Variants in RORB observed in about 807,000 individuals in gnomAD.
RORB encodes RAR related orphan receptor B.
Under a neutral mutation model 59.1 loss-of-function variants are expected in RORB, and 6 were observed. That is an observed-to-expected ratio of 0.10 (90% CI 0.06 to 0.20). The LOEUF (loss-of-function observed/expected upper bound fraction) is 0.20, where lower values mean the gene tolerates loss of function less well. Ranked by LOEUF, RORB falls within the 10% of genes least tolerant of loss-of-function variation. The pLI is 1.00. For synonymous variants in RORB, 215 were observed against 204.5 expected (o/e 1.05, Z -0.44); for missense variants, 320 against 560.5 (o/e 0.57, Z 4.33).
chr9:74,512,851 C>G (rs1175802255), intron 1 of RORB, among the ~76,000 whole-genome samples: 4 of 152,160 alleles, frequency 2.6e-5, no homozygotes, highest in Non-Finnish European at 5.9e-5. Flanking sequence ...ATTGAACTCT[C>G]TCACTCATTT....
At chr9:74,652,460 A>G (rs544870060) in intron 4 of RORB, among the ~76,000 whole-genome samples, 57 of 152,326 alleles carry the variant, frequency 3.7e-4, no homozygotes, top group African/African-American at 1.3e-3. Flanking sequence ...AGAAAATGTT[A>G]ATCACTTTAT....
intron 1 of RORB, among the ~76,000 whole-genome samples, chr9:74,594,366 T>C (rs1822942671): frequency 6.6e-6 from 1 of 152,112 alleles, no homozygotes; most frequent in Non-Finnish European, 1.5e-5. Flanking sequence ...TCCTCGATGG[T>C]TATTTCAATC....
chr9:74,680,175 A>G (rs906048359), intron 9 of RORB, among the ~76,000 whole-genome samples: 1 of 152,218 alleles, frequency 6.6e-6, no homozygotes, highest in Admixed American at 6.5e-5. Flanking sequence ...AAGCAAAAGT[A>G]TAAAAAATAA....
chr9:74,498,327 T>G, intron 1 of RORB: 2 of 335,866 alleles, frequency 6.0e-6, no homozygotes, highest in Non-Finnish European at 1.1e-5. Flanking sequence ...GAAAGAGGGA[T>G]GCCTCTGGAC....
At chr9:74,589,163 T>C (rs781200550) in intron 1 of RORB, among the ~76,000 whole-genome samples, 2 of 152,214 alleles carry the variant, frequency 1.3e-5, no homozygotes, top group African/African-American at 2.4e-5. Context: ...GAATCATTTG[T>C]CCACAGTCAG....
rs113786731 is a variant in RORB, at chr9:74,584,007, T to C, written c.8-46275T>C. ...CAAAAATGCAACTTTTTCTGTGAGATAACATTTCAGAGGACTTAGCTTGTG... is the reference window on the plus strand; with the variant it reads ...CAAAAATGCAACTTTTTCTGTGAGACAACATTTCAGAGGACTTAGCTTGTG... On this transcript the variant is annotated intron_variant, in intron 1 of 9. Coordinates refer to ENST00000376896, the MANE Select transcript of RORB (RefSeq NM_006914.4). Among the ~76,000 whole-genome samples the C allele has an allele frequency of 1.9e-3, 288 of 152,340 alleles. 2 individuals are homozygous for C. Among genetic ancestry groups the C allele is most frequent in the African/African-American group, 6.7e-3 (277 of 41,584 alleles).
chr9:74,628,649 G>A (rs768707006), intron 1 of RORB, among the ~76,000 whole-genome samples: 4 of 152,182 alleles, frequency 2.6e-5, no homozygotes, highest in Non-Finnish European at 5.9e-5. Context: ...AGAGGGCAAT[G>A]TCTTGCATTT....
chr9:74,640,485 A>C (rs545673915), intron 3 of RORB, among the ~76,000 whole-genome samples: 2 of 151,998 alleles, frequency 1.3e-5, no homozygotes, highest in Admixed American at 1.3e-4. Context: ...GGGTTTCACC[A>C]CGTTAGCCAG....
chr9:74,630,395 T>G, intron 2 of RORB, 28 bp downstream of exon 2: 1 of 1,566,992 alleles, frequency 6.4e-7, no homozygotes, highest in Non-Finnish European at 8.7e-7. Context: ...AGCACGGTTC[T>G]GTATTTGCCT....
At chr9:74,559,405 G>A (rs994994223) in intron 1 of RORB, among the ~76,000 whole-genome samples, 5 of 152,112 alleles carry the variant, frequency 3.3e-5, no homozygotes, top group African/African-American at 9.7e-5. Flanking sequence ...ATGAAAATGA[G>A]ACTGGTATTG....
intron 1 of RORB, among the ~76,000 whole-genome samples, chr9:74,574,048 T>C (rs1311113145): frequency 6.6e-6 from 1 of 152,162 alleles, no homozygotes; most frequent in Non-Finnish European, 1.5e-5. Flanking sequence ...TTATGATGCC[T>C]GCATCAACCC....
chr9:74,593,125 T>A (rs1464036992), intron 1 of RORB, among the ~76,000 whole-genome samples: 1 of 152,062 alleles, frequency 6.6e-6, no homozygotes, highest in Admixed American at 6.6e-5. Context: ...ACTCAACAAA[T>A]TGTTACTGAT....
chr9:74,587,406 T>C (rs1455851049), intron 1 of RORB, among the ~76,000 whole-genome samples: 2 of 152,252 alleles, frequency 1.3e-5, no homozygotes, highest in Non-Finnish European at 2.9e-5. Context: ...ACCTGGAATT[T>C]CCCTCTTGCC....
At chr9:74,659,370 G>C (rs1046282835) in intron 4 of RORB, among the ~76,000 whole-genome samples, 4 of 152,160 alleles carry the variant, frequency 2.6e-5, no homozygotes, top group Non-Finnish European at 5.9e-5. Flanking sequence ...ATTTGAAATG[G>C]CGCAACCTGA....
intron 1 of RORB, among the ~76,000 whole-genome samples, chr9:74,554,498 T>C (rs1266642090): frequency 6.6e-6 from 1 of 152,052 alleles, no homozygotes; most frequent in East Asian, 1.9e-4. Flanking sequence ...GTCAGCCCTG[T>C]TTAGCCATGG....
chr9:74,665,942 G>C (rs1824256877), intron 7 of RORB, among the ~76,000 whole-genome samples: 1 of 152,182 alleles, frequency 6.6e-6, no homozygotes, highest in Admixed American at 6.5e-5. Flanking sequence ...CAGAGTTCAA[G>C]ACCAGCATGG....
chr9:74,680,089 G>A (rs1168763451), intron 9 of RORB, among the ~76,000 whole-genome samples: 2 of 152,130 alleles, frequency 1.3e-5, no homozygotes, highest in East Asian at 1.9e-4. Flanking sequence ...TCAACAGAGC[G>A]AGACTGTGTC....
At chr9:74,573,164 G>A (rs1554667356) in intron 1 of RORB, among the ~76,000 whole-genome samples, 1 of 151,946 alleles carries the variant, frequency 6.6e-6, no homozygotes, top group Non-Finnish European at 1.5e-5. Flanking sequence ...TAACTCCATG[G>A]ACCTCACTTT....
Position 74,527,475 on chromosome 9 carries a change from G to GT in RORB, c.7+29493dup, listed in dbSNP as rs149972490. ...AAAATTGAAAGTATTTGTGACAATG[G>GT]TAAGTTCTACAAAGAATAATAAAGC... On this transcript the variant is annotated intron_variant, in intron 1 of 9. Transcript: ENST00000376896. 3.8e-3 allele frequency among the ~76,000 whole-genome samples: 573 copies of GT among 152,110 alleles called. 7 individuals carry two copies. The highest frequency in any genetic ancestry group is 0.013 in the African/African-American group (553 of 41,542).
Sources: gnomAD v4.1 joint callset for allele counts (sites outside exome capture counted in the v4.1 genomes callset) on GRCh38, gnomAD v4.1.1 for gene constraint, MANE v1.5 for transcripts, NCBI Gene and HGNC (gene_info 2026-07-23, HGNC 2026-07-21) for gene names.